The following ANXA3 variants were observed in gnomAD, a reference collection of about 807,000 sequenced individuals.
The protein encoded by ANXA3 is annexin A3, also known as 35-alpha calcimedin.
ANXA3 carries 46 observed loss-of-function variants against 48.8 expected under a neutral mutation model. The observed-to-expected ratio is 0.94, with a 90% CI of 0.74 to 1.21. ANXA3 has a LOEUF of 1.21. Ranked by LOEUF, ANXA3 falls within the 50% of genes most tolerant of loss-of-function variation. The probability of loss-of-function intolerance (pLI) is 0.00; values close to 1 mark genes in which losing one functional copy is unlikely to be tolerated. For synonymous variants in ANXA3, 128 were observed against 134.7 expected (o/e 0.95, Z 0.35); for missense variants, 383 against 378.6 (o/e 1.01, Z -0.10).
chr4:78,554,522 C>T (rs771926229), intron 2 of ANXA3, 34 bp downstream of exon 2: 2 of 1,604,744 alleles, frequency 1.2e-6, no homozygotes, highest in South Asian at 1.1e-5. Flanking sequence ...AACACAGTAA[C>T]ATATATGAGT....
At chr4:78,607,910 T>C (rs1723684393) in intron 12 of ANXA3, among the ~76,000 whole-genome samples, 1 of 152,098 alleles carries the variant, frequency 6.6e-6, no homozygotes, top group Admixed American at 6.6e-5. Context: ...AAGTAAATGC[T>C]CTAGAGACAG....
chr4:78,565,664 A>T (rs1722715094), intron 2 of ANXA3, among the ~76,000 whole-genome samples: 1 of 152,102 alleles, frequency 6.6e-6, no homozygotes, highest in South Asian at 2.1e-4. Context: ...GCCACAAACT[A>T]CCTATGTGAC....
chr4:78,589,430 TAA>T (rs375317177), intron 6 of ANXA3, among the ~76,000 whole-genome samples: 78 of 152,302 alleles, frequency 5.1e-4, no homozygotes, highest in African/African-American at 1.8e-3. Flanking sequence ...TTACAGAGAT[TAA>T]AGTCACAGCA....
intron 6 of ANXA3, among the ~76,000 whole-genome samples, chr4:78,587,617 TC>T (rs1164196687): frequency 6.6e-6 from 1 of 152,138 alleles, no homozygotes; most frequent in Non-Finnish European, 1.5e-5. Flanking sequence ...GTGGGAGAGG[TC>T]CAAAGAAGGA....
rs1305791544 is a variant in ANXA3, at chr4:78,610,207, T to C, written c.*92T>C. Reference sequence around the variant, plus strand: ...TACTATTTAAGAGAACAAGCAAATATAAACAGCAACTTGTGTTCCTAACAG... The same window carrying C: ...TACTATTTAAGAGAACAAGCAAATACAAACAGCAACTTGTGTTCCTAACAG... On this transcript the variant is annotated 3_prime_UTR_variant, in exon 13 of 13. Transcript: ENST00000264908. 3.7e-6 allele frequency: 3 copies of C among 813,484 alleles called. No homozygotes were observed. The highest frequency in any genetic ancestry group is 5.3e-5 in the East Asian group (2 of 38,062). The allele number at this position is 813,484 out of a possible 1,614,324, so 50.4% of individuals were successfully genotyped here.
Position 78,554,535 on chromosome 4 carries a change from A to G in ANXA3, c.15+47A>G, listed in dbSNP as rs867855634. ...ACAACACAGTAACATATATGAGTCA[A>G]ACCAAAACACAGAAGGTCAAGATAG... On this transcript the variant is annotated intron_variant, in intron 2 of 12. Transcript: ENST00000264908. The G allele has an allele frequency of 1.3e-5, 21 of 1,577,824 alleles. 1 individual carries two copies. In the Middle Eastern group the frequency reaches 3.2e-3, roughly 238 times the overall value.
Position 78,610,180 on chromosome 4 carries a change from C to T in ANXA3, c.*65C>T, listed in dbSNP as rs1723730223. The T allele has an allele frequency of 5.9e-6, 7 of 1,193,666 alleles. No homozygotes were observed. The East Asian group carries it at 1.4e-4, about 24-fold the overall frequency. The allele number at this position is 1,193,666 out of a possible 1,614,324, so 73.9% of individuals were successfully genotyped here. ...CCAACAGCTCCACCTTACTTCTTCT[C>T]ATACTATTTAAGAGAACAAGCAAAT... On this transcript the variant is annotated 3_prime_UTR_variant, in exon 13 of 13. Coordinates refer to ENST00000264908, the MANE Select transcript of ANXA3 (RefSeq NM_005139.3).
chr4:78,595,266 G>A, intron 7 of ANXA3, 115 bp from the exon 8 acceptor site: 1 of 1,121,064 alleles, frequency 8.9e-7, no homozygotes, highest in Non-Finnish European at 1.3e-6. Context: ...TGATTTTTCT[G>A]TGCAACCTGT....
intron 7 of ANXA3, among the ~76,000 whole-genome samples, chr4:78,593,625 CATTATT>C (rs568701695): frequency 2.0e-5 from 3 of 146,934 alleles, no homozygotes; most frequent in Non-Finnish European, 1.5e-5. Context: ...CTTTCCTTTC[CATTATT>C]ATTATTATTA....
intron 2 of ANXA3, among the ~76,000 whole-genome samples, chr4:78,554,748 A>G (rs1326898100): frequency 2.0e-5 from 3 of 152,236 alleles, no homozygotes; most frequent in Non-Finnish European, 4.4e-5. Context: ...ATAATTTGGG[A>G]ATTTATTATA....
At chr4:78,558,972 C>T (rs938911163) in intron 2 of ANXA3, among the ~76,000 whole-genome samples, 1 of 152,192 alleles carries the variant, frequency 6.6e-6, no homozygotes, top group East Asian at 1.9e-4. Context: ...GAGCTCTTTC[C>T]TCCTTGATCA....
Position 78,582,254 on chromosome 4 carries a change from A to G in ANXA3, c.276A>G (p.Ala92=), listed in dbSNP as rs2109937567. 8 of 1,613,618 alleles carry G rather than the reference A, an allele frequency of 5.0e-6. No homozygotes were observed. Among genetic ancestry groups the G allele is most frequent in the Non-Finnish European group, 6.8e-6 (8 of 1,179,534 alleles). Residue 92 remains alanine, a synonymous_variant, in exon 5 of 13, where the codon GCA becomes GCG. Transcript: ENST00000264908. ...TGGTGGCCCTAGTGACTCCACCAGC[A>G]GTCTTTGATGCAAAGCAGCTAAAGA... ...HLMVALVTPP[A]VFDAKQLKKS...
At chr4:78,598,696 C>G (rs936872874) in intron 10 of ANXA3, among the ~76,000 whole-genome samples, 6 of 152,070 alleles carry the variant, frequency 3.9e-5, no homozygotes, top group Admixed American at 3.9e-4. Context: ...CACGCCACCA[C>G]GCCTGGCTAA....
chr4:78,593,575 A>C (rs1723350417), intron 7 of ANXA3, among the ~76,000 whole-genome samples: 1 of 151,082 alleles, frequency 6.6e-6, no homozygotes, highest in South Asian at 2.1e-4. Flanking sequence ...ATTGAGCAGA[A>C]AGTACAGAGA....
At chr4:78,576,591 C>T (rs1248501185) in intron 3 of ANXA3, among the ~76,000 whole-genome samples, 1 of 152,122 alleles carries the variant, frequency 6.6e-6, no homozygotes, top group Non-Finnish European at 1.5e-5. Flanking sequence ...GTCACTGCAC[C>T]CAGCCTGATT....
chr4:78,596,381 G>A (rs1156399986), intron 9 of ANXA3, among the ~76,000 whole-genome samples: 1 of 152,226 alleles, frequency 6.6e-6, no homozygotes, highest in African/African-American at 2.4e-5. Context: ...CTATTACATG[G>A]AATTGTGGGC....
intron 11 of ANXA3, chr4:78,601,862 G>C (rs576437099): frequency 4.2e-4 from 100 of 237,946 alleles, no homozygotes; most frequent in Non-Finnish European, 7.1e-4. Context: ...ATGAGTTTAA[G>C]TAGATGCTAA....
At chr4:78,605,852 C>A (rs1723635667) in intron 12 of ANXA3, among the ~76,000 whole-genome samples, 2 of 152,362 alleles carry the variant, frequency 1.3e-5, no homozygotes, top group Admixed American at 6.5e-5. Context: ...GTACCTTAAG[C>A]TCGTGGTTCA....
chr4:78,595,488 T>C, intron 8 of ANXA3, 51 bp downstream of exon 8: 1 of 1,573,966 alleles, frequency 6.4e-7, no homozygotes, highest in East Asian at 2.2e-5. Flanking sequence ...CCTATGTGGC[T>C]GCCTTTGCAT....
Sources: gnomAD v4.1 joint callset for allele counts (sites outside exome capture counted in the v4.1 genomes callset) on GRCh38, gnomAD v4.1.1 for gene constraint, MANE v1.5 for transcripts, NCBI Gene and HGNC (gene_info 2026-07-23, HGNC 2026-07-21) for gene names.